The following CCNB3 variants were observed in gnomAD, a reference collection of about 807,000 sequenced individuals.
CCNB3 encodes the protein cyclin B3.
In CCNB3, 12 loss-of-function variants were observed where a neutral mutation model predicts 68.0. That is an observed-to-expected ratio of 0.18 (90% CI 0.11 to 0.29). The LOEUF is 0.29. Among genes scored for constraint, CCNB3 ranks in the 10% least tolerant of loss-of-function variants. The pLI is 1.00. For synonymous variants in CCNB3, 354 were observed against 388.9 expected (o/e 0.91, Z 1.06); for missense variants, 904 against 993.1 (o/e 0.91, Z 1.21).
rs1440155447 is a variant in CCNB3 at position 50,281,159 on chromosome X, C to G, written c.-112-3383C>G. ...AACAACACCCTACTGCGAGGTCCTTCAGAGGCAGAGTTGGATTTTAAAATA... is the reference window on the plus strand; with the variant it reads ...AACAACACCCTACTGCGAGGTCCTTGAGAGGCAGAGTTGGATTTTAAAATA... On this transcript the variant is annotated intron_variant, in intron 1 of 12. Coordinates refer to ENST00000376042, the MANE Select transcript of CCNB3 (RefSeq NM_033031.3). Among the ~76,000 whole-genome samples, 4 of 111,271 alleles carry G rather than the reference C, an allele frequency of 3.6e-5. No homozygotes were observed. In the Admixed American group the frequency reaches 3.8e-4, roughly 11 times the overall value.
intron 1 of CCNB3, among the ~76,000 whole-genome samples, chrX:50,227,949 G>T (rs1388757079): frequency 3.7e-4 from 29 of 78,390 alleles, no homozygotes; most frequent in Non-Finnish European, 5.1e-4. Flanking sequence ...TAAATATATA[G>T]AGAGAATATA....
chrX:50,227,761 TATAA>T (rs1298849057), intron 1 of CCNB3, among the ~76,000 whole-genome samples: 3 of 86,538 alleles, frequency 3.5e-5, no homozygotes, highest in South Asian at 1.0e-3. Context: ...AGAGAATATA[TATAA>T]ATATATATAG....
intron 1 of CCNB3, among the ~76,000 whole-genome samples, chrX:50,226,176 TATATAG>T (rs1484001586): frequency 8.7e-4 from 45 of 52,003 alleles, no homozygotes; most frequent in Non-Finnish European, 1.4e-3. Context: ...CGAATATACA[TATATAG>T]ATATATAAAT....
intron 1 of CCNB3, among the ~76,000 whole-genome samples, chrX:50,280,359 A>C (rs1936115378): frequency 9.5e-6 from 1 of 105,711 alleles, no homozygotes; most frequent in South Asian, 4.0e-4. Flanking sequence ...GGCACAAATC[A>C]GGTGATTAAT....
intron 1 of CCNB3, among the ~76,000 whole-genome samples, chrX:50,227,491 T>A (rs1935898133): frequency 1.3e-5 from 1 of 74,450 alleles, no homozygotes; most frequent in Non-Finnish European, 2.5e-5. Context: ...AGACAGAATA[T>A]ATATATATAG....
At position 50,310,950 on chromosome X, in the gene CCNB3, C is replaced by A. The variant is rs200926387; in HGVS notation, c.2781C>A (p.Phe927Leu). The part of the protein sequence containing the change: ...KMSTINEAVL[F>L]EDMIALNEKP... ...CTACCATCAATGAGGCAGTCCTCTTCGAAGATATGATAGCTCTGAATGAGA... is the reference window on the plus strand; with the variant it reads ...CTACCATCAATGAGGCAGTCCTCTTAGAAGATATGATAGCTCTGAATGAGA... The change falls in exon 6 of 13, where the codon TTC (phenylalanine) becomes TTA (leucine). Residue 927 changes from phenylalanine (F) to leucine (L), a missense_variant. Physicochemically the swap from Phe to Leu is conservative, Grantham distance 22 (BLOSUM62 0). Transcript: ENST00000376042. The A allele has an allele frequency of 1.7e-6, 2 of 1,210,436 alleles. No individual in the cohort carries two copies. Among genetic ancestry groups the A allele is most frequent in the Admixed American group, 4.4e-5 (2 of 45,798 alleles).
At chrX:50,227,232 A>G (rs1218452759) in intron 1 of CCNB3, among the ~76,000 whole-genome samples, 2 of 82,915 alleles carry the variant, frequency 2.4e-5, no homozygotes, top group Non-Finnish European at 4.4e-5. Context: ...ATATATATAT[A>G]AATATATATA....
At chrX:50,317,503 T>A (rs782458732) in intron 8 of CCNB3, among the ~76,000 whole-genome samples, 42 of 108,889 alleles carry the variant, frequency 3.9e-4, no homozygotes, top group African/African-American at 1.1e-3. Context: ...GAATATTCTG[T>A]CTCTCTCTCT....
intron 1 of CCNB3, among the ~76,000 whole-genome samples, chrX:50,227,149 A>T (rs1935869756): frequency 1.2e-5 from 1 of 81,755 alleles, no homozygotes; most frequent in Non-Finnish European, 2.2e-5. Context: ...GAATATATAT[A>T]CAATATATGT....
chrX:50,345,105 C>A (rs1299378601), intron 9 of CCNB3, among the ~76,000 whole-genome samples: 2 of 100,777 alleles, frequency 2.0e-5, no homozygotes, highest in Non-Finnish European at 4.1e-5. Context: ...TCCCTTCCTC[C>A]CCTCCTTCTT....
At chrX:50,312,919 T>G (rs370242697) in intron 7 of CCNB3, among the ~76,000 whole-genome samples, 5 of 110,840 alleles carry the variant, frequency 4.5e-5, no homozygotes, top group Admixed American at 1.9e-4. Context: ...AGCTGAGATA[T>G]GAACTAAAGT....
chrX:50,309,456 G>A lies in CCNB3; in HGVS notation c.1287G>A (p.Glu429=), dbSNP rs1921277143. 1 of 1,211,115 alleles carries A rather than the reference G, an allele frequency of 8.3e-7. No individual in the cohort carries two copies. The highest frequency in any genetic ancestry group is 1.1e-6 in the Non-Finnish European group (1 of 895,107). ...SIKEKPSTEK[E]SFSQEPSALQ... The stretch of plus-strand genomic sequence containing the variant: ...AAGAAAAGCCATCTACTGAGAAGGA[G>A]TCCTTTTCCCAGGAACCATCTGCAT... The change falls in exon 6 of 13, where the codon GAG becomes GAA. Residue 429 remains glutamate (E), a synonymous_variant. Coordinates refer to ENST00000376042, the MANE Select transcript of CCNB3 (RefSeq NM_033031.3).
Position 50,291,708 on chromosome X carries a change from C to T in CCNB3, c.204+2821C>T, listed in dbSNP as rs1360996530. Reference sequence around the variant, plus strand: ...GTTTCATCTTGGGAGTTATGATCTCCACGTCTTTCTTGCCATGAATGCACC... The same window carrying T: ...GTTTCATCTTGGGAGTTATGATCTCTACGTCTTTCTTGCCATGAATGCACC... On this transcript the variant is annotated intron_variant, in intron 4 of 12. Coordinates refer to ENST00000376042, the MANE Select transcript of CCNB3 (RefSeq NM_033031.3). Among the ~76,000 whole-genome samples the T allele has an allele frequency of 6.3e-5, 7 of 111,584 alleles. No individual in the cohort carries two copies. In the East Asian group the frequency reaches 8.4e-4, roughly 13 times the overall value.
chrX:50,279,465 T>C (rs1222742603), intron 1 of CCNB3, among the ~76,000 whole-genome samples: 2 of 79,154 alleles, frequency 2.5e-5, no homozygotes, highest in Non-Finnish European at 4.6e-5. Context: ...TATATATAAA[T>C]ATATAAATAT....
intron 8 of CCNB3, among the ~76,000 whole-genome samples, chrX:50,322,812 G>A (rs1469832866): frequency 4.5e-5 from 5 of 111,506 alleles, no homozygotes; most frequent in South Asian, 7.6e-4. Flanking sequence ...AAAAACACAT[G>A]AAAAAATGCT....
chrX:50,309,306 C>T lies in CCNB3; in HGVS notation c.1137C>T (p.Ile379=). 8.3e-7 allele frequency: 1 copy of T among 1,211,133 alleles called. No homozygotes were observed. Among genetic ancestry groups the T allele is most frequent in the Non-Finnish European group, 1.1e-6 (1 of 895,065 alleles). Residue 379 remains isoleucine (I), a synonymous_variant, in exon 6 of 13, where the codon ATC becomes ATT. Transcript: ENST00000376042. ...AGAAGCCTAGCACTGAGGAGGCAAT[C>T]ATGATGCCAGTAATATTGAAGGAGC... ...FKKKPSTEEA[I]MMPVILKEQC...
intron 8 of CCNB3, among the ~76,000 whole-genome samples, chrX:50,321,610 CT>C (rs1472682275): frequency 1.8e-5 from 2 of 111,348 alleles, no homozygotes; most frequent in African/African-American, 6.5e-5. Flanking sequence ...ATCTATTTGT[CT>C]ACTCTAACAT....
chrX:50,214,474 C>CTATATATATATATATA (rs1935530522), intron 1 of CCNB3, among the ~76,000 whole-genome samples: 12 of 1,921 alleles, frequency 6.2e-3, no homozygotes, highest in East Asian at 0.021. Context: ...TAGCTGTGGC[C>CTATATATATATATATA]CATATATATA....
Position 50,310,194 on chromosome X carries a change from ATTT to A in CCNB3, c.2027_2029del (p.Phe676del). 8.3e-7 allele frequency: 1 copy of A among 1,209,307 alleles called. No homozygotes were observed. Among genetic ancestry groups the A allele is most frequent in the Non-Finnish European group, 1.1e-6 (1 of 894,080 alleles). On this transcript the variant is annotated inframe_deletion, in exon 6 of 13. Transcript: ENST00000376042. The stretch of plus-strand genomic sequence containing the variant: ...CTGAGGAGGAATTCTCTCAGGAACT[ATTT>A]TCATTGCATGTTAAGCATACCAACA...
Sources: allele counts gnomAD v4.1 joint callset (sites outside exome capture counted in the v4.1 genomes callset), GRCh38; gene constraint gnomAD v4.1.1; transcripts MANE v1.5; gene names NCBI Gene and HGNC (gene_info 2026-07-23, HGNC 2026-07-21).